KCNH7: variants seen among roughly 807,000 people sequenced by gnomAD.
KCNH7 encodes the protein voltage-gated inwardly rectifying potassium channel KCNH7.
A neutral mutation model predicts 120.8 loss-of-function variants in KCNH7; 49 were observed. That is an observed-to-expected ratio of 0.41 (90% CI 0.32 to 0.51). KCNH7 has a LOEUF of 0.51. KCNH7 is among the 20% of genes least tolerant of loss of function. The pLI is 0.38. For synonymous variants in KCNH7, 547 were observed against 516.1 expected (o/e 1.06, Z -0.81); for missense variants, 1,097 against 1,446.6 (o/e 0.76, Z 3.92).
chr2:162,749,301 T>C (rs952416404), intron 2 of KCNH7, among the ~76,000 whole-genome samples: 1 of 151,924 alleles, frequency 6.6e-6, no homozygotes, highest in Non-Finnish European at 1.5e-5. Context: ...TGTTAAGGAA[T>C]ATGGAAATGG....
intron 2 of KCNH7, among the ~76,000 whole-genome samples, chr2:162,611,700 G>A (rs1682971433): frequency 6.6e-6 from 1 of 152,184 alleles, no homozygotes; most frequent in African/African-American, 2.4e-5. Flanking sequence ...ATTTGAGCAT[G>A]TTGTGAGTTA....
intron 2 of KCNH7, among the ~76,000 whole-genome samples, chr2:162,738,557 T>G (rs1688002574): frequency 6.6e-6 from 1 of 152,152 alleles, no homozygotes; most frequent in African/African-American, 2.4e-5. Flanking sequence ...TCTGACCTAC[T>G]TCTTCCCAGA....
intron 2 of KCNH7, among the ~76,000 whole-genome samples, chr2:162,582,384 T>C (rs990887732): frequency 2.0e-5 from 3 of 152,072 alleles, no homozygotes; most frequent in African/African-American, 7.2e-5. Flanking sequence ...AACCCTTTAG[T>C]AGTAAGGAGT....
intron 2 of KCNH7, among the ~76,000 whole-genome samples, chr2:162,656,606 A>G (rs1048679850): frequency 1.3e-5 from 2 of 152,234 alleles, no homozygotes; most frequent in Non-Finnish European, 2.9e-5. Flanking sequence ...TTCCACTTCT[A>G]TGAGACTGCA....
intron 2 of KCNH7, among the ~76,000 whole-genome samples, chr2:162,625,918 G>A (rs955588943): frequency 7.2e-5 from 11 of 152,002 alleles, no homozygotes; most frequent in South Asian, 4.1e-4. Flanking sequence ...ATCCTAGTAC[G>A]TATTTGAAAA....
At chr2:162,643,787 A>G (rs1049635340) in intron 2 of KCNH7, among the ~76,000 whole-genome samples, 1 of 142,752 alleles carries the variant, frequency 7.0e-6, no homozygotes, top group Non-Finnish European at 1.5e-5. Context: ...GCCTGGTGAC[A>G]GAGCAAGACT....
intron 6 of KCNH7, among the ~76,000 whole-genome samples, chr2:162,495,844 G>GT (rs1266235277): frequency 4.6e-5 from 7 of 152,072 alleles, no homozygotes; most frequent in Middle Eastern, 3.2e-3. Context: ...AATCCTGGAG[G>GT]TTTTTTTGTT....
intron 2 of KCNH7, among the ~76,000 whole-genome samples, chr2:162,559,687 A>G (rs2105876009): frequency 6.6e-6 from 1 of 152,326 alleles, no homozygotes; most frequent in African/African-American, 2.4e-5. Flanking sequence ...TATAGAATGT[A>G]ACAAGAAAAG....
rs370781976 is a variant in KCNH7 at position 162,452,775 on chromosome 2, A to G, written c.1129-6332T>C. 2.7e-4 allele frequency among the ~76,000 whole-genome samples: 41 copies of G among 152,114 alleles called. 1 individual carries two copies. The highest frequency in any genetic ancestry group is 8.7e-4 in the African/African-American group (36 of 41,440). On this transcript the variant is annotated intron_variant, in intron 6 of 15. Coordinates refer to ENST00000332142, the MANE Select transcript of KCNH7 (RefSeq NM_033272.4). ...TTCAAGCTTTCATTCTGGATTGAAT[A>G]TATAAGAAGTATATTTTTGCATTTT... is the stretch of plus-strand genomic sequence containing the variant.
chr2:162,432,527 G>A (rs542488467), intron 8 of KCNH7, among the ~76,000 whole-genome samples: 4 of 152,034 alleles, frequency 2.6e-5, no homozygotes, highest in Admixed American at 6.6e-5. Context: ...AAAAATCAAC[G>A]ATCAGGATCT....
chr2:162,742,274 T>C (rs930797113), intron 2 of KCNH7, among the ~76,000 whole-genome samples: 3 of 152,210 alleles, frequency 2.0e-5, no homozygotes, highest in Admixed American at 6.5e-5. Context: ...TATCTTTTAA[T>C]TTATTTTTTT....
chr2:162,405,793 G>A (rs1301349705), intron 9 of KCNH7, among the ~76,000 whole-genome samples: 1 of 151,810 alleles, frequency 6.6e-6, no homozygotes, highest in Non-Finnish European at 1.5e-5. Context: ...AATAATTATA[G>A]TATCTATTTT....
intron 2 of KCNH7, among the ~76,000 whole-genome samples, chr2:162,686,033 C>T (rs760908653): frequency 5.9e-5 from 9 of 151,964 alleles, no homozygotes; most frequent in Non-Finnish European, 1.3e-4. Context: ...AATAAGTCAA[C>T]CAGGTCAAGG....
At chr2:162,692,808 G>T (rs1419801796) in intron 2 of KCNH7, among the ~76,000 whole-genome samples, 1 of 152,038 alleles carries the variant, frequency 6.6e-6, no homozygotes, top group Admixed American at 6.6e-5. Flanking sequence ...AAGCCACTTC[G>T]AAATAAATGA....
intron 6 of KCNH7, among the ~76,000 whole-genome samples, chr2:162,458,827 G>A (rs1197626709): frequency 6.6e-6 from 1 of 151,804 alleles, no homozygotes; most frequent in South Asian, 2.1e-4. Flanking sequence ...AACATAGTGA[G>A]ACTTTGTTTC....
chr2:162,528,241 G>C (rs1184422), intron 3 of KCNH7: 2 of 152,000 alleles, frequency 1.3e-5, no homozygotes, highest in Non-Finnish European at 2.9e-5. Context: ...CCATGAAGTA[G>C]AGCTGAAGGG....
rs148927325 is a variant in KCNH7, at chr2:162,517,926, G to A, written c.696C>T (p.Ser232=). ...TGGGAGAGGAATGGTCAAGAGGTCCGGATATATTCACCAAGGGAGAACATT... is the reference window on the plus strand; with the variant it reads ...TGGGAGAGGAATGGTCAAGAGGTCCAGATATATTCACCAAGGGAGAACATT... ...PSKCSPLVNI[S]GPLDHSSPKR... Residue 232 remains serine (S), a synonymous_variant, in exon 4 of 16, where the codon TCC becomes TCT. Transcript: ENST00000332142. The A allele has an allele frequency of 1.4e-3, 2,217 of 1,612,260 alleles. 22 individuals are homozygous for A. The African/African-American group carries it at 0.02, about 15-fold the overall frequency.
At chr2:162,510,550 C>T (rs1691036469) in intron 5 of KCNH7, among the ~76,000 whole-genome samples, 1 of 151,618 alleles carries the variant, frequency 6.6e-6, no homozygotes, top group South Asian at 2.1e-4. Context: ...ATGAATAAAT[C>T]AGATGATATT....
intron 6 of KCNH7, among the ~76,000 whole-genome samples, chr2:162,496,116 A>G (rs1157781233): frequency 2.6e-5 from 4 of 152,028 alleles, no homozygotes; most frequent in African/African-American, 9.7e-5. Flanking sequence ...CCTTAAACAG[A>G]CCTCAGGAGG....
Sources: gnomAD v4.1 joint callset for allele counts (sites outside exome capture counted in the v4.1 genomes callset) on GRCh38, gnomAD v4.1.1 for gene constraint, MANE v1.5 for transcripts, NCBI Gene and HGNC (gene_info 2026-07-23, HGNC 2026-07-21) for gene names.